ZCCHC7: variants seen among roughly 807,000 people sequenced by gnomAD.
ZCCHC7 encodes the protein zinc finger CCHC-type containing 7.
ZCCHC7 carries 35 observed loss-of-function variants against 52.0 expected under a neutral mutation model. That is an observed-to-expected ratio of 0.67 (90% CI 0.51 to 0.89). The LOEUF is 0.89. Ranked by LOEUF, ZCCHC7 falls within the 40% of genes least tolerant of loss-of-function variation. The probability of loss-of-function intolerance (pLI) is 0.00; values close to 1 mark genes in which losing one functional copy is unlikely to be tolerated. For synonymous variants in ZCCHC7, 217 were observed against 221.5 expected (o/e 0.98, Z 0.18); for missense variants, 574 against 649.1 (o/e 0.88, Z 1.26).
chr9:37,325,657 G>T (rs1418214004), intron 5 of ZCCHC7, among the ~76,000 whole-genome samples: 1 of 152,134 alleles, frequency 6.6e-6, no homozygotes, highest in African/African-American at 2.4e-5. Flanking sequence ...AAATAAAGAT[G>T]TGTGCCTTAT....
At chr9:37,306,714 C>T (rs1408415170) in intron 5 of ZCCHC7, among the ~76,000 whole-genome samples, 18 of 143,920 alleles carry the variant, frequency 1.3e-4, no homozygotes, top group East Asian at 1.1e-3. Flanking sequence ...CCGCCCGCCT[C>T]GGCCTCCCAA....
At chr9:37,139,889 A>C (rs1843149856) in intron 2 of ZCCHC7, among the ~76,000 whole-genome samples, 1 of 151,970 alleles carries the variant, frequency 6.6e-6, no homozygotes, top group Non-Finnish European at 1.5e-5. Flanking sequence ...AGGGAGGGAA[A>C]GCTCCAACTC....
intron 2 of ZCCHC7, among the ~76,000 whole-genome samples, chr9:37,211,462 C>T (rs1824209481): frequency 6.6e-6 from 1 of 152,074 alleles, no homozygotes; most frequent in African/African-American, 2.4e-5. Flanking sequence ...CCATCTTTAT[C>T]ATCAAATACT....
chr9:37,202,299 CAAGT>C (rs1335356312), intron 2 of ZCCHC7, among the ~76,000 whole-genome samples: 1 of 152,148 alleles, frequency 6.6e-6, no homozygotes, highest in Admixed American at 6.5e-5. Flanking sequence ...GGTAAACAGT[CAAGT>C]GAGGTTACCT....
intron 7 of ZCCHC7, among the ~76,000 whole-genome samples, chr9:37,350,276 A>T (rs774765851): frequency 6.6e-6 from 1 of 151,376 alleles, no homozygotes; most frequent in African/African-American, 2.4e-5. Flanking sequence ...TTATAGGCGC[A>T]TGCCACCATG....
chr9:37,162,568 A>G (rs1334513427), intron 2 of ZCCHC7, among the ~76,000 whole-genome samples: 2 of 152,208 alleles, frequency 1.3e-5, no homozygotes, highest in Non-Finnish European at 2.9e-5. Flanking sequence ...GCAAGTATCA[A>G]TACTTTTTAT....
intron 2 of ZCCHC7, among the ~76,000 whole-genome samples, chr9:37,135,277 C>T (rs1203144507): frequency 2.0e-5 from 3 of 152,170 alleles, no homozygotes; most frequent in African/African-American, 7.2e-5. Context: ...GCACTTGTTA[C>T]AGTCTTAAAA....
At chr9:37,121,445 C>T (rs1842311943) in intron 1 of ZCCHC7, among the ~76,000 whole-genome samples, 2 of 152,134 alleles carry the variant, frequency 1.3e-5, no homozygotes, top group South Asian at 4.1e-4. Context: ...TTTCAGGTCC[C>T]CTCAGAAGCT....
intron 2 of ZCCHC7, among the ~76,000 whole-genome samples, chr9:37,220,506 C>T (rs1184093292): frequency 2.0e-5 from 3 of 152,110 alleles, no homozygotes; most frequent in East Asian, 1.9e-4. Context: ...CGTGCCACTG[C>T]GCTTCAGCCT....
chr9:37,281,294 G>C (rs1453763105), intron 2 of ZCCHC7, among the ~76,000 whole-genome samples: 1 of 152,144 alleles, frequency 6.6e-6, no homozygotes, highest in East Asian at 1.9e-4. Flanking sequence ...GGGATTACAG[G>C]CATGAGCCAC....
intron 2 of ZCCHC7, among the ~76,000 whole-genome samples, chr9:37,248,389 A>G (rs1267847220): frequency 6.6e-6 from 1 of 152,234 alleles, no homozygotes; most frequent in African/African-American, 2.4e-5. Flanking sequence ...ATGTTATTGC[A>G]GTTATTTTAA....
rs73646332 is a variant in ZCCHC7, at chr9:37,181,505, G to A, written c.610+54563G>A. On this transcript the variant is annotated intron_variant, in intron 2 of 8. Coordinates refer to ENST00000336755, the MANE Select transcript of ZCCHC7 (RefSeq NM_032226.3). ...GTTGATAAATTGACATACAAAATGTGGTATATTCTTAAAATGGAATATTAT... is the reference window on the plus strand; with the variant it reads ...GTTGATAAATTGACATACAAAATGTAGTATATTCTTAAAATGGAATATTAT... Among the ~76,000 whole-genome samples, 600 of 152,124 alleles carry A rather than the reference G, an allele frequency of 3.9e-3. 3 individuals are homozygous for A. The highest frequency in any genetic ancestry group is 0.014 in the African/African-American group (562 of 41,484).
intron 2 of ZCCHC7, among the ~76,000 whole-genome samples, chr9:37,157,407 C>T (rs1820873092): frequency 6.6e-6 from 1 of 151,948 alleles, no homozygotes; most frequent in African/African-American, 2.4e-5. Flanking sequence ...AGGCAGATTC[C>T]CTTGAGCCCA....
intron 1 of ZCCHC7, among the ~76,000 whole-genome samples, chr9:37,124,749 C>G (rs909067865): frequency 1.3e-5 from 2 of 152,182 alleles, no homozygotes; most frequent in South Asian, 2.1e-4. Context: ...AAGTGTTTCA[C>G]TTTACACATT....
intron 2 of ZCCHC7, chr9:37,205,492 T>C (rs1400728496): frequency 6.6e-6 from 1 of 152,534 alleles, no homozygotes; most frequent in Non-Finnish European, 1.5e-5. Context: ...GTTTATGTCA[T>C]CTTGGCTCTG....
rs749069616 is a variant in ZCCHC7 at position 37,354,718 on chromosome 9, A to G, written c.1092A>G (p.Pro364=). The change falls in exon 8 of 9, where the codon CCA becomes CCG. Residue 364 remains proline (P), a synonymous_variant. Coordinates refer to ENST00000336755, the MANE Select transcript of ZCCHC7 (RefSeq NM_032226.3). This position sits in a 1 kb window ranked among gnomAD's most constrained non-coding sequence, Gnocchi z 4.0. ...AQKGHYGHEC[P]EREVYDPSPV... Reference sequence around the variant, plus strand: ...TTACATACAATTTATAGGAATGTCCAGAAAGAGAAGTGTATGACCCGTCTC... The same window carrying G: ...TTACATACAATTTATAGGAATGTCCGGAAAGAGAAGTGTATGACCCGTCTC... 6.8e-6 allele frequency: 11 copies of G among 1,608,976 alleles called. No individual in the cohort carries two copies. In the Admixed American group the frequency reaches 1.7e-4, roughly 24 times the overall value.
At chr9:37,258,201 A>G (rs929178310) in intron 2 of ZCCHC7, among the ~76,000 whole-genome samples, 9 of 152,062 alleles carry the variant, frequency 5.9e-5, no homozygotes, top group East Asian at 1.9e-4. Context: ...CTGTTCCTCA[A>G]TTTCTCCAGT....
At chr9:37,249,951 C>G (rs1826247230) in intron 2 of ZCCHC7, among the ~76,000 whole-genome samples, 1 of 152,174 alleles carries the variant, frequency 6.6e-6, no homozygotes, top group African/African-American at 2.4e-5. Context: ...TCCTGCCTAA[C>G]TCGTAGAAAG....
chr9:37,335,032 A>G (rs1477725149), intron 6 of ZCCHC7, among the ~76,000 whole-genome samples: 1 of 152,116 alleles, frequency 6.6e-6, no homozygotes, highest in African/African-American at 2.4e-5. Flanking sequence ...AACTGAATCC[A>G]TTGGGTAAAT....
Sources: gnomAD v4.1 joint callset for allele counts (sites outside exome capture counted in the v4.1 genomes callset) on GRCh38, gnomAD v4.1.1 for gene constraint, Gnocchi (gnomAD v3.1) non-coding constraint, MANE v1.5 for transcripts, NCBI Gene and HGNC (gene_info 2026-07-23, HGNC 2026-07-21) for gene names.